ENOX1: variants seen among roughly 807,000 people sequenced by gnomAD.
ENOX1 encodes ecto-NOX disulfide-thiol exchanger 1.
ENOX1 carries 42 observed loss-of-function variants against 82.5 expected under a neutral mutation model. That is an observed-to-expected ratio of 0.51 (90% confidence interval 0.40 to 0.66). ENOX1 has a LOEUF of 0.66. ENOX1 is among the 30% of genes least tolerant of loss of function. The probability of loss-of-function intolerance (pLI) is 0.00; values close to 1 mark genes in which losing one functional copy is unlikely to be tolerated. For missense variants in ENOX1, 608 were observed against 811.6 expected (o/e 0.75, Z 3.05); for synonymous variants, 271 against 282.2 (o/e 0.96, Z 0.40).
At chr13:43,217,939 C>T (rs902997395) in intron 16 of ENOX1, among the ~76,000 whole-genome samples, 3 of 152,198 alleles carry the variant, frequency 2.0e-5, no homozygotes, top group East Asian at 1.9e-4. Context: ...ACGGTCCCCA[C>T]TTTAGTAGCA....
intron 3 of ENOX1, among the ~76,000 whole-genome samples, chr13:43,471,549 A>G (rs1924628): frequency 0.63 from 95,129 of 152,000 alleles, 29,905 homozygotes; most frequent in African/African-American, 0.65. Context: ...GGTGGCTCAC[A>G]CCTGTAATCC....
chr13:43,489,590 C>G (rs142395597), intron 2 of ENOX1, among the ~76,000 whole-genome samples: 1 of 152,124 alleles, frequency 6.6e-6, no homozygotes, highest in South Asian at 2.1e-4. Context: ...GTAGGGCAAT[C>G]CTTAGTGCAG....
chr13:43,734,493 T>C (rs1436982117), intron 1 of ENOX1, among the ~76,000 whole-genome samples: 1 of 152,188 alleles, frequency 6.6e-6, no homozygotes, highest in African/African-American at 2.4e-5. Flanking sequence ...CACCTGAAAG[T>C]ATCTTTGAAA....
intron 2 of ENOX1, among the ~76,000 whole-genome samples, chr13:43,593,646 C>T (rs2081337883): frequency 7.4e-6 from 1 of 135,028 alleles, no homozygotes; most frequent in Non-Finnish European, 1.6e-5. Flanking sequence ...TTCCCCCACC[C>T]CCACCCTGCC....
chr13:43,727,039 T>C (rs554103540), intron 1 of ENOX1, among the ~76,000 whole-genome samples: 1 of 152,208 alleles, frequency 6.6e-6, no homozygotes, highest in Admixed American at 6.5e-5. Flanking sequence ...TGGATTTTTG[T>C]CTCAAATCCA....
intron 5 of ENOX1, among the ~76,000 whole-genome samples, chr13:43,409,994 T>C (rs1356184567): frequency 1.3e-5 from 2 of 152,182 alleles, no homozygotes; most frequent in African/African-American, 2.4e-5. Context: ...TTAAGCAATT[T>C]GGCTAACACA....
intron 2 of ENOX1, among the ~76,000 whole-genome samples, chr13:43,558,763 G>C (rs944908120): frequency 1.3e-5 from 2 of 152,182 alleles, no homozygotes; most frequent in Non-Finnish European, 2.9e-5. Context: ...AGAGACTAAA[G>C]AGAAGTAGAG....
chr13:43,232,420 A>G (rs1566293161), intron 15 of ENOX1, among the ~76,000 whole-genome samples: 1 of 152,232 alleles, frequency 6.6e-6, no homozygotes, highest in Non-Finnish European at 1.5e-5. Context: ...TCAGAGAGGA[A>G]CATACTCCCA....
At chr13:43,427,373 T>A (rs2055376734) in intron 3 of ENOX1, among the ~76,000 whole-genome samples, 1 of 152,094 alleles carries the variant, frequency 6.6e-6, no homozygotes, top group African/African-American at 2.4e-5. Context: ...TAAACTAAGG[T>A]CCAGAAGGCT....
At chr13:43,397,896 G>A (rs1368257538) in intron 5 of ENOX1, among the ~76,000 whole-genome samples, 1 of 152,228 alleles carries the variant, frequency 6.6e-6, no homozygotes, top group African/African-American at 2.4e-5. Context: ...ATGTTTTGGA[G>A]GCTAAGAAGT....
intron 9 of ENOX1, among the ~76,000 whole-genome samples, chr13:43,338,987 G>A (rs888890291): frequency 3.9e-5 from 6 of 151,980 alleles, no homozygotes; most frequent in South Asian, 4.2e-4. Flanking sequence ...GCCCGGCCTC[G>A]GGTTGGGTTT....
intron 3 of ENOX1, among the ~76,000 whole-genome samples, chr13:43,470,407 T>C (rs1593366397): frequency 4.5e-5 from 6 of 132,198 alleles, no homozygotes; most frequent in African/African-American, 1.4e-4. Context: ...TGTGTATATA[T>C]ATATATATAT....
intron 1 of ENOX1, among the ~76,000 whole-genome samples, chr13:43,737,476 C>T (rs536057941): frequency 2.0e-5 from 3 of 152,230 alleles, no homozygotes; most frequent in South Asian, 2.1e-4. Flanking sequence ...TTCACTGTTC[C>T]GGAGGCCACA....
At chr13:43,393,031 A>G (rs1436355053) in intron 5 of ENOX1, among the ~76,000 whole-genome samples, 1 of 152,232 alleles carries the variant, frequency 6.6e-6, no homozygotes, top group African/African-American at 2.4e-5. Flanking sequence ...AAAAGCAGGC[A>G]TAGCTCTGTG....
chr13:43,321,816 G>A (rs1442850156), intron 11 of ENOX1, among the ~76,000 whole-genome samples: 1 of 152,220 alleles, frequency 6.6e-6, no homozygotes, highest in African/African-American at 2.4e-5. Flanking sequence ...TTCAATGAGA[G>A]CGTTTTAAAT....
intron 11 of ENOX1, among the ~76,000 whole-genome samples, chr13:43,305,912 C>G (rs2046832384): frequency 6.6e-6 from 1 of 152,210 alleles, no homozygotes; most frequent in Non-Finnish European, 1.5e-5. Flanking sequence ...GCTCCCTACT[C>G]TAAGCCAAGC....
intron 1 of ENOX1, among the ~76,000 whole-genome samples, chr13:43,776,750 GAGA>G (rs1006114396): frequency 5.3e-5 from 8 of 151,824 alleles, no homozygotes; most frequent in Non-Finnish European, 1.2e-4. Flanking sequence ...GCTAGAACCA[GAGA>G]AGGTCTGTTG....
At chr13:43,266,386 T>A (rs2044371661) in intron 13 of ENOX1, among the ~76,000 whole-genome samples, 1 of 152,210 alleles carries the variant, frequency 6.6e-6, no homozygotes, top group African/African-American at 2.4e-5. Context: ...CTTGTGCATA[T>A]TAAAATGAAA....
intron 1 of ENOX1, among the ~76,000 whole-genome samples, chr13:43,675,613 CAG>C (rs976715414): frequency 6.6e-6 from 1 of 152,146 alleles, no homozygotes; most frequent in Non-Finnish European, 1.5e-5. Flanking sequence ...TTTCGAAGAA[CAG>C]AGAGGCAGGG....
Sources: gnomAD v4.1 joint callset for allele counts (sites outside exome capture counted in the v4.1 genomes callset) on GRCh38, gnomAD v4.1.1 for gene constraint, MANE v1.5 for transcripts, NCBI Gene and HGNC (gene_info 2026-07-23, HGNC 2026-07-21) for gene names.